GRID2IP: variants seen among roughly 807,000 people sequenced by gnomAD.
GRID2IP encodes Grid2 interacting protein, also known as delphilin.
Under a neutral mutation model 114.3 loss-of-function variants are expected in GRID2IP, and 78 were observed. The observed-to-expected ratio is 0.68, with a 90% confidence interval of 0.57 to 0.82. The LOEUF is 0.82. Among genes scored for constraint, GRID2IP ranks in the 40% least tolerant of loss-of-function variants. The pLI, the probability that GRID2IP is intolerant of heterozygous loss-of-function variation, is 0.00. For synonymous variants in GRID2IP, 809 were observed against 724.0 expected, an observed-to-expected ratio of 1.12 and a Z score of -1.89; for missense variants, 1,727 against 1,678.5, an observed-to-expected ratio of 1.03 and a Z score of -0.51.
chr7:6,517,439 C>T (rs908157571), intron 7 of GRID2IP, among the ~76,000 whole-genome samples: 16 of 152,082 alleles, frequency 1.1e-4, no homozygotes, highest in African/African-American at 1.9e-4. Flanking sequence ...GGACCCTACA[C>T]AAAACTATAA....
rs1287877668 is a variant in GRID2IP, at chr7:6,550,401, T to C, written c.429+607A>G. On this transcript the variant is annotated intron_variant, in intron 1 of 21. Transcript: ENST00000457091. ...ATCTATATCCTATTATTTTATATAT[T>C]GATCAAGAGGGTGGTTATTCAAGGG... 3.3e-5 allele frequency among the ~76,000 whole-genome samples: 5 copies of C among 152,084 alleles called. No homozygotes were observed. In the East Asian group the frequency reaches 7.7e-4, roughly 23 times the overall value.
intron 1 of GRID2IP, among the ~76,000 whole-genome samples, chr7:6,544,222 C>T (rs1224818581): frequency 6.6e-6 from 1 of 152,108 alleles, no homozygotes; most frequent in African/African-American, 2.4e-5. Flanking sequence ...TTCCCCTGTC[C>T]TGCACATCAT....
intron 8 of GRID2IP, among the ~76,000 whole-genome samples, chr7:6,513,250 CT>C (rs934037162): frequency 2.0e-4 from 29 of 146,236 alleles, no homozygotes; most frequent in South Asian, 8.7e-4. Flanking sequence ...TTTTTCTTTC[CT>C]TTTTTTTTTT....
At chr7:6,544,362 C>T (rs555944126) in intron 1 of GRID2IP, among the ~76,000 whole-genome samples, 18 of 152,052 alleles carry the variant, frequency 1.2e-4, no homozygotes, top group Non-Finnish European at 1.5e-5. Context: ...TCATTGCAAC[C>T]TCTGCCTCCC....
intron 2 of GRID2IP, among the ~76,000 whole-genome samples, chr7:6,537,490 G>C (rs1246079757): frequency 2.9e-5 from 4 of 138,900 alleles, no homozygotes; most frequent in Admixed American, 8.2e-5. Flanking sequence ...TGATTCTCCT[G>C]CCTCAGCCTC....
Position 6,497,712 on chromosome 7 carries a change from T to G in GRID2IP, c.*62A>C. 7.7e-7 allele frequency: 1 copy of G among 1,293,068 alleles called. No individual in the cohort carries two copies. The highest frequency in any genetic ancestry group is 1.3e-5 in the South Asian group (1 of 75,258). 80.1% of individuals were successfully genotyped at this position (1,293,068 alleles called of 1,614,324 possible). On this transcript the variant is annotated 3_prime_UTR_variant, in exon 22 of 22. Coordinates refer to ENST00000457091, the MANE Select transcript of GRID2IP (RefSeq NM_001145118.2). ...AGTGGCCCCGGACCTCGGCAGTGTC[T>G]GGGCTGCCCTCTCGGCCTCCATCTC... is the stretch of plus-strand genomic sequence containing the variant.
Position 6,551,152 on chromosome 7 carries a change from G to A in GRID2IP, c.285C>T (p.Pro95=), listed in dbSNP as rs1449124029. Residue 95 remains proline, a synonymous_variant, in exon 1 of 22, where the codon CCC becomes CCT. Transcript: ENST00000457091. ...CCCGCAAGACTGTGGTCGGGGCCGC[G>A]GGGCCGGATCCTGGGCCGGGGCCAC... The part of the protein sequence containing the change: ...PDGGPGPGSG[P]AAPTTVLRAP... 2 of 1,334,190 alleles carry A rather than the reference G, an allele frequency of 1.5e-6. No homozygotes were observed. Among genetic ancestry groups the A allele is most frequent in the South Asian group, 1.8e-5 (1 of 54,498 alleles). The allele number at this position is 1,334,190 out of a possible 1,614,324, so 82.6% of individuals were successfully genotyped here. A position where few individuals can be genotyped will look rare whatever the true frequency, so the allele number is the denominator to read the frequency against.
chr7:6,502,227 C>A (rs143645181), intron 18 of GRID2IP, 109 bp from the exon 19 acceptor site: 9 of 1,103,538 alleles, frequency 8.2e-6, no homozygotes, highest in Non-Finnish European at 1.2e-5. Context: ...TTCTTGGCGC[C>A]CCCACTTTTT....
rs774592354 is a variant in GRID2IP at position 6,526,327 on chromosome 7, G to A, written c.834-18C>T. 6.5e-7 allele frequency: 1 copy of A among 1,549,900 alleles called. No homozygotes were observed. The highest frequency in any genetic ancestry group is 8.7e-7 in the Non-Finnish European group (1 of 1,145,354). On this transcript the variant is annotated intron_variant, in intron 3 of 21. Coordinates refer to ENST00000457091, the MANE Select transcript of GRID2IP (RefSeq NM_001145118.2). The surrounding 1 kb of genome is among the most constrained non-coding windows in gnomAD (Gnocchi z 7.6). ...GGACAGTCCTGGGGGAAAAAGAAGG[G>A]GCGAGCAGCATGATGGAGAGGGGGC...
At chr7:6,503,373 C>A in intron 16 of GRID2IP, 118 bp downstream of exon 16, 1 of 1,124,144 alleles carries the variant, frequency 8.9e-7, no homozygotes, top group Non-Finnish European at 1.2e-6. Context: ...AACTGGGACT[C>A]AGAGGCTTGG....
intron 16 of GRID2IP, 137 bp downstream of exon 16, chr7:6,503,354 A>G: frequency 9.8e-7 from 1 of 1,023,856 alleles, no homozygotes; most frequent in Non-Finnish European, 1.4e-6. Flanking sequence ...CCGGCCATTA[A>G]AGGTGTTAAA....
chr7:6,505,932 G>C (rs1256683700), intron 13 of GRID2IP, 25 bp from the exon 14 acceptor site: 18 of 1,483,284 alleles, frequency 1.2e-5, no homozygotes, highest in Non-Finnish European at 1.5e-5. Flanking sequence ...GGGAGGTTCA[G>C]AGTAGGAGGA....
chr7:6,521,204 C>G lies in GRID2IP; in HGVS notation c.1084+225G>C, dbSNP rs759271768. 5.9e-5 allele frequency among the ~76,000 whole-genome samples: 9 copies of G among 152,134 alleles called. No homozygotes were observed. The highest frequency in any genetic ancestry group is 2.0e-4 in the Admixed American group (3 of 15,266). On this transcript the variant is annotated intron_variant, in intron 6 of 21. Transcript: ENST00000457091. The surrounding 1 kb of genome is among the most constrained non-coding windows in gnomAD (Gnocchi z 4.1). ...CAGACTGGTCTCAAACTCCTGGCCT[C>G]AAGCGATCCTCCCACCTTGGCCTCC...
Position 6,539,834 on chromosome 7 carries a change from C to A in GRID2IP, c.468G>T (p.Glu156Asp). 1 of 1,551,440 alleles carries A rather than the reference C, an allele frequency of 6.4e-7. No individual in the cohort carries two copies. Among genetic ancestry groups the A allele is most frequent in the Non-Finnish European group, 8.7e-7 (1 of 1,146,976 alleles). Reference sequence around the variant, plus strand: ...ACTGCTTCAGTGCAGCGAACACCTGCTCCTTGGCAGTTGGCTGGTCCCCCA... The same window carrying A: ...ACTGCTTCAGTGCAGCGAACACCTGATCCTTGGCAGTTGGCTGGTCCCCCA... ...EILGDQPTAK[E>D]QVFAALKQFA... Residue 156 changes from glutamate (E) to aspartate (D), a missense_variant, in exon 2 of 22, where the codon GAG becomes GAT. Glu to Asp is a conservative substitution (Grantham distance 45, BLOSUM62 2). Coordinates refer to ENST00000457091, the MANE Select transcript of GRID2IP (RefSeq NM_001145118.2).
intron 2 of GRID2IP, among the ~76,000 whole-genome samples, chr7:6,533,819 A>T (rs181508670): frequency 0.038 from 5,777 of 150,222 alleles, 159 homozygotes; most frequent in African/African-American, 0.076. Context: ...CTAATTTTTT[A>T]TATGTATTTT....
chr7:6,514,093 AAC>A (rs1165852141), intron 8 of GRID2IP, among the ~76,000 whole-genome samples: 1 of 152,168 alleles, frequency 6.6e-6, no homozygotes, highest in Non-Finnish European at 1.5e-5. Flanking sequence ...CTCTACTAAA[AAC>A]ACAAAAGAAT....
intron 8 of GRID2IP, 130 bp downstream of exon 8, chr7:6,514,245 C>G (rs1188524621): frequency 2.2e-6 from 2 of 907,882 alleles, no homozygotes; most frequent in Non-Finnish European, 3.1e-6. Context: ...AAGAGTGAGA[C>G]TCCATTTCAA....
chr7:6,503,312 G>T lies in GRID2IP; in HGVS notation c.2908-149C>A. 3 of 1,043,054 alleles carry T rather than the reference G, an allele frequency of 2.9e-6. No homozygotes were observed. The South Asian group carries it at 5.1e-5, about 18-fold the overall frequency. 64.6% of individuals were successfully genotyped at this position (1,043,054 alleles called of 1,614,324 possible). A position where few individuals can be genotyped will look rare whatever the true frequency, so the allele number is the denominator to read the frequency against. Reference sequence around the variant, plus strand: ...ATAAGCACGATCCCTGGGGGAGCCCGCCTCCCATGTACCTTGGACCCCTGA... The same window carrying T: ...ATAAGCACGATCCCTGGGGGAGCCCTCCTCCCATGTACCTTGGACCCCTGA... On this transcript the variant is annotated intron_variant, in intron 16 of 21. Transcript: ENST00000457091.
At position 6,526,571 on chromosome 7, in the gene GRID2IP, G is replaced by C. The variant is rs2115079806; in HGVS notation, c.783C>G (p.Arg261=). Residue 261 remains arginine, a synonymous_variant, in exon 3 of 22, where the codon CGC becomes CGG. Coordinates refer to ENST00000457091, the MANE Select transcript of GRID2IP (RefSeq NM_001145118.2). The surrounding 1 kb of genome is among the most constrained non-coding windows in gnomAD (Gnocchi z 7.6). ...GGCCGCCCACCAGCAAGGAGGCCCT[G>C]CGCGGGGGCGGCTCATCGGGGCGGC... The part of the protein sequence containing the change: ...PPRRPDEPPP[R]RASLLVGGLA... 2 of 1,204,396 alleles carry C rather than the reference G, an allele frequency of 1.7e-6. No homozygotes were observed. Among genetic ancestry groups the C allele is most frequent in the East Asian group, 6.9e-5 (2 of 29,058 alleles). The allele number at this position is 1,204,396 out of a possible 1,614,324, so 74.6% of individuals were successfully genotyped here. A position where few individuals can be genotyped will look rare whatever the true frequency, so the allele number is the denominator to read the frequency against.
Sources: gnomAD v4.1 joint callset for allele counts (sites outside exome capture counted in the v4.1 genomes callset) on GRCh38, gnomAD v4.1.1 for gene constraint, Gnocchi (gnomAD v3.1) non-coding constraint, MANE v1.5 for transcripts, NCBI Gene and HGNC (gene_info 2026-07-23, HGNC 2026-07-21) for gene names.